ATRX: variants seen among roughly 807,000 people sequenced by gnomAD.
The protein encoded by ATRX is ATRX chromatin remodeler, also known as chromatin remodeler ATRX.
A neutral mutation model predicts 172.6 loss-of-function variants in ATRX; 12 were observed. That is an observed-to-expected ratio of 0.07 (90% CI 0.04 to 0.11). The LOEUF (loss-of-function observed/expected upper bound fraction) is 0.11, where lower values mean the gene tolerates loss of function less well. Among genes scored for constraint, ATRX ranks in the 10% least tolerant of loss-of-function variants. The probability of loss-of-function intolerance (pLI) is 1.00; values close to 1 mark genes in which losing one functional copy is unlikely to be tolerated. For missense variants in ATRX, 1,368 were observed against 1,767.4 expected (o/e 0.77, Z 4.05); for synonymous variants, 674 against 594.7 (o/e 1.13, Z -1.94).
Position 77,786,151 on chromosome X carries a change from T to C in ATRX, c.-150A>G. The C allele has an allele frequency of 9.6e-6, 6 of 626,356 alleles. No individual in the cohort carries two copies. The highest frequency in any genetic ancestry group is 2.2e-5 in the African/African-American group (1 of 44,630). The allele number at this position is 626,356 out of a possible 1,213,427, so 51.6% of individuals were successfully genotyped here. ...CCCACAGCTCAAAGGCCGCTACCAC[T>C]GCCACCGCCGCAGGAGCCGCGGAAA... On this transcript the variant is annotated 5_prime_UTR_variant, in exon 1 of 35. Coordinates refer to ENST00000373344, the MANE Select transcript of ATRX (RefSeq NM_000489.6).
At chrX:77,681,497 ATT>A (rs782012577) in intron 9 of ATRX, 21 bp downstream of exon 9, 1 of 1,194,576 alleles carries the variant, frequency 8.4e-7, no homozygotes, top group African/African-American at 1.8e-5. Context: ...CAAATTATGA[ATT>A]TTTTATTTAT....
rs2062693219 is a variant in ATRX, at chrX:77,505,658, T to C, written c.*2693A>G. On this transcript the variant is annotated 3_prime_UTR_variant, in exon 35 of 35. Coordinates refer to ENST00000373344, the MANE Select transcript of ATRX (RefSeq NM_000489.6). Reference sequence around the variant, plus strand: ...GACAACAAAAGCTATACATTTTCTATGAAACAGTATGTGCACAGATTTTCA... The same window carrying C: ...GACAACAAAAGCTATACATTTTCTACGAAACAGTATGTGCACAGATTTTCA... 5.8e-6 allele frequency: 1 copy of C among 171,812 alleles called. No individual in the cohort carries two copies. The highest frequency in any genetic ancestry group is 8.0e-5 in the Admixed American group (1 of 12,501). 14.2% of individuals were successfully genotyped at this position (171,812 alleles called of 1,213,427 possible).
chrX:77,549,985 G>GAACTA (rs1557055115), intron 30 of ATRX, among the ~76,000 whole-genome samples: 1 of 110,224 alleles, frequency 9.1e-6, no homozygotes, highest in African/African-American at 3.3e-5. Flanking sequence ...GAAATGAAAT[G>GAACTA]AAATAAAATA....
intron 1 of ATRX, among the ~76,000 whole-genome samples, chrX:77,767,100 A>G (rs2075986779): frequency 1.8e-5 from 2 of 112,118 alleles, no homozygotes; most frequent in South Asian, 7.4e-4. Flanking sequence ...CGCGCCTGCA[A>G]TCGCAGGCAC....
intron 22 of ATRX, among the ~76,000 whole-genome samples, chrX:77,601,765 CGAGT>C (rs782340053): frequency 1.8e-5 from 2 of 111,453 alleles, no homozygotes; most frequent in African/African-American, 6.5e-5. Flanking sequence ...TTTGCCTCCA[CGAGT>C]GAGAGAAAAT....
intron 6 of ATRX, 72 bp from the exon 7 acceptor site, chrX:77,688,999 G>T: frequency 3.7e-6 from 3 of 814,958 alleles, no homozygotes; most frequent in Non-Finnish European, 5.5e-6. Flanking sequence ...TCAGCATTTT[G>T]TAACTTTTGT....
intron 30 of ATRX, among the ~76,000 whole-genome samples, chrX:77,530,835 G>A (rs1335175037): frequency 4.5e-5 from 5 of 110,074 alleles, no homozygotes; most frequent in Non-Finnish European, 9.5e-5. Context: ...TCCAGGAAGT[G>A]GTTTCTTAAA....
intron 19 of ATRX, among the ~76,000 whole-genome samples, chrX:77,623,567 G>T (rs782086150): frequency 2.2e-3 from 248 of 111,414 alleles, no homozygotes; most frequent in Non-Finnish European, 4.2e-3. Context: ...ATTCATCACC[G>T]TAATAGCAAA....
At chrX:77,668,990 A>C (rs1343753032) in intron 10 of ATRX, among the ~76,000 whole-genome samples, 1 of 111,741 alleles carries the variant, frequency 8.9e-6, no homozygotes, top group Non-Finnish European at 1.9e-5. Flanking sequence ...ATAATTCGAA[A>C]TGTTGAGTTT....
chrX:77,677,114 A>C (rs1044981031), intron 9 of ATRX, among the ~76,000 whole-genome samples: 16 of 103,739 alleles, frequency 1.5e-4, no homozygotes, highest in African/African-American at 5.0e-4. Context: ...AACTCTCTCA[A>C]AAAAAAAAAA....
intron 1 of ATRX, among the ~76,000 whole-genome samples, chrX:77,777,191 T>TAAAAAAAAAAAAAAAAAAAAAA (rs782165810): frequency 4.8e-5 from 1 of 21,042 alleles, no homozygotes; most frequent in Non-Finnish European, 8.0e-5. Flanking sequence ...CTGTCTCTAC[T>TAAAAAAAAAAAAAAAAAAAAAA]AAAAAAAAAA....
intron 20 of ATRX, 112 bp downstream of exon 20, chrX:77,620,283 C>A: frequency 1.2e-6 from 1 of 825,525 alleles, no homozygotes. Flanking sequence ...CTATGTAGAT[C>A]ATGGTCTAGG....
intron 1 of ATRX, among the ~76,000 whole-genome samples, chrX:77,759,116 A>G (rs1033300111): frequency 1.8e-5 from 2 of 112,153 alleles, no homozygotes; most frequent in Admixed American, 9.5e-5. Context: ...ATAAGCTGAC[A>G]TTTTATATTC....
chrX:77,607,565 T>G (rs2066961420), intron 22 of ATRX, among the ~76,000 whole-genome samples: 1 of 108,991 alleles, frequency 9.2e-6, no homozygotes, highest in African/African-American at 3.3e-5. Flanking sequence ...AATACAAAAA[T>G]TAGCGGAGCA....
At chrX:77,608,099 C>T (rs1473155152) in intron 22 of ATRX, among the ~76,000 whole-genome samples, 4 of 109,792 alleles carry the variant, frequency 3.6e-5, no homozygotes, top group South Asian at 7.7e-4. Flanking sequence ...ACACATAGGC[C>T]GGCCGGGCAC....
chrX:77,559,992 G>A (rs1557061157), intron 28 of ATRX, among the ~76,000 whole-genome samples: 2 of 111,409 alleles, frequency 1.8e-5, no homozygotes, highest in African/African-American at 3.3e-5. Flanking sequence ...CTGGGAAAAC[G>A]AATGAGGAAA....
intron 22 of ATRX, among the ~76,000 whole-genome samples, chrX:77,608,602 A>G (rs1035410310): frequency 9.0e-6 from 1 of 111,357 alleles, no homozygotes; most frequent in Non-Finnish European, 1.9e-5. Context: ...ATGGATTAAA[A>G]ACTTAAATCT....
rs2068189800 is a variant in ATRX, at chrX:77,633,195, T to C, written c.5134+12A>G. ...ACTTGCTTCTTTATGTCACTGTCTA[T>C]TAATACCTTACCTGGATCAACCAAA... On this transcript the variant is annotated intron_variant, in intron 19 of 34. Transcript: ENST00000373344. The C allele has an allele frequency of 8.3e-7, 1 of 1,201,553 alleles. No individual in the cohort carries two copies. Among genetic ancestry groups the C allele is most frequent in the African/African-American group, 1.7e-5 (1 of 57,171 alleles).
intron 30 of ATRX, among the ~76,000 whole-genome samples, chrX:77,535,715 T>G: frequency 9.0e-6 from 1 of 110,925 alleles, no homozygotes; most frequent in East Asian, 2.8e-4. Context: ...TTTAGCAGTT[T>G]AAATTATGTC....
Sources: allele counts gnomAD v4.1 joint callset (sites outside exome capture counted in the v4.1 genomes callset), GRCh38; gene constraint gnomAD v4.1.1; transcripts MANE v1.5; gene names NCBI Gene and HGNC (gene_info 2026-07-23, HGNC 2026-07-21).